The following DYSF variants were observed in gnomAD, a reference collection of about 807,000 sequenced individuals.
DYSF encodes dystrophy-associated fer-1-like 1.
DYSF carries 212 observed loss-of-function variants against 274.9 expected under a neutral mutation model. The ratio of observed to expected loss-of-function variants is 0.77; its 90% confidence interval spans 0.69 to 0.86. The LOEUF (loss-of-function observed/expected upper bound fraction) is 0.86, where lower values mean the gene tolerates loss of function less well. Among genes scored for constraint, DYSF ranks in the 40% least tolerant of loss-of-function variants. The pLI is 0.00. For missense variants in DYSF, 2,666 were observed against 2,783.2 expected (o/e 0.96, Z 0.95); for synonymous variants, 1,091 against 1,078.7 (o/e 1.01, Z -0.22).
In DYSF at chr2:71,574,289, T is replaced by TCCG. The variant is rs779680055; in HGVS notation, c.3331_3333dup (p.Arg1111dup). On this transcript the variant is annotated inframe_insertion, in exon 30 of 56. Coordinates refer to ENST00000410020, the MANE Select transcript of DYSF (RefSeq NM_001130987.2). ...CTCGAGTACCGCAAGACAGATGCCT[T>TCCG]CCGCCGCCGCCGCTGGCGCCGTCGC... is the stretch of plus-strand genomic sequence containing the variant. 9 of 1,613,782 alleles carry TCCG rather than the reference T, an allele frequency of 5.6e-6. No individual in the cohort carries two copies. The highest frequency in any genetic ancestry group is 4.0e-5 in the African/African-American group (3 of 74,934).
At position 71,528,312 on chromosome 2, in the gene DYSF, A is replaced by G; in HGVS notation, c.1291A>G (p.Met431Val). 1 of 1,614,034 alleles carries G rather than the reference A, an allele frequency of 6.2e-7. No homozygotes were observed. Among genetic ancestry groups the G allele is most frequent in the Non-Finnish European group, 8.5e-7 (1 of 1,179,984 alleles). Residue 431 changes from methionine to valine, a missense_variant, in exon 14 of 56, where the codon ATG becomes GTG. This residue lies in a region of DYSF where 794 missense variants were observed against 777.1 expected (regional missense o/e 1.02). Coordinates refer to ENST00000410020, the MANE Select transcript of DYSF (RefSeq NM_001130987.2). ...EDLPQMDDAV[M>V]DNVKQIFGFE... Reference sequence around the variant, plus strand: ...CCTCTTCCCAGTGGACGATGCCGTGATGGACAACGTGAAACAGATCTTTGG... The same window carrying G: ...CCTCTTCCCAGTGGACGATGCCGTGGTGGACAACGTGAAACAGATCTTTGG...
chr2:71,535,559 G>C (rs1335185295), intron 16 of DYSF, among the ~76,000 whole-genome samples: 2 of 152,044 alleles, frequency 1.3e-5, no homozygotes, highest in Non-Finnish European at 2.9e-5. Flanking sequence ...AGCTGGGAAG[G>C]CTTCCTGGAG....
chr2:71,498,975 A>C (rs950227145), intron 3 of DYSF, among the ~76,000 whole-genome samples: 1 of 152,260 alleles, frequency 6.6e-6, no homozygotes, highest in Non-Finnish European at 1.5e-5. Context: ...AAGATTTTTA[A>C]GGAGTTTTTA....
In DYSF at chr2:71,537,223, G is replaced by GTTTTTTTTTTTTT. The variant is rs71402990; in HGVS notation, c.1493+1923_1494-1911dup. On this transcript the variant is annotated intron_variant, in intron 16 of 55. Coordinates refer to ENST00000410020, the MANE Select transcript of DYSF (RefSeq NM_001130987.2). Reference sequence around the variant, plus strand: ...CAGGAAATTTTTACTTTCTAGTTTTGTTTTTTTTTTTTTTTTTTTTTTTGC... The same window carrying GTTTTTTTTTTTTT: ...CAGGAAATTTTTACTTTCTAGTTTTGTTTTTTTTTTTTTTTTTTTTTTTTTTTTTTTTTTTTGC... Among the ~76,000 whole-genome samples, 6 of 79,622 alleles carry GTTTTTTTTTTTTT rather than the reference G, an allele frequency of 7.5e-5. 1 individual carries two copies. Among genetic ancestry groups the GTTTTTTTTTTTTT allele is most frequent in the African/African-American group, 1.4e-4 (3 of 21,374 alleles). The allele number at this position is 79,622 out of a possible 152,430, so 52.2% of individuals were successfully genotyped here.
At chr2:71,458,344 G>A (rs2081154220) in intron 1 of DYSF, among the ~76,000 whole-genome samples, 2 of 152,074 alleles carry the variant, frequency 1.3e-5, no homozygotes, top group South Asian at 2.1e-4. Context: ...ATCCACAAAG[G>A]CTTTCAATGT....
At chr2:71,653,866 A>G (rs1279733315) in intron 42 of DYSF, among the ~76,000 whole-genome samples, 1 of 93,006 alleles carries the variant, frequency 1.1e-5, no homozygotes, top group Non-Finnish European at 2.9e-5. Flanking sequence ...TATGGCTAAA[A>G]ATTGTAAATA....
intron 41 of DYSF, among the ~76,000 whole-genome samples, chr2:71,636,159 C>T (rs545739899): frequency 3.3e-5 from 5 of 152,158 alleles, no homozygotes; most frequent in South Asian, 2.1e-4. Flanking sequence ...TGTGAGGGCT[C>T]GATCACAAGC....
chr2:71,551,802 T>A, intron 19 of DYSF, 82 bp downstream of exon 19: 1 of 1,152,080 alleles, frequency 8.7e-7, no homozygotes, highest in Non-Finnish European at 1.3e-6. Context: ...TGAGGTGTCA[T>A]GGCCGAGGGA....
At chr2:71,612,968 C>A (rs2093800220) in intron 39 of DYSF, among the ~76,000 whole-genome samples, 162 bp downstream of exon 39, 1 of 152,150 alleles carries the variant, frequency 6.6e-6, no homozygotes, top group South Asian at 2.1e-4. Context: ...TTCCTTAGGG[C>A]AGAGCCTAGC....
intron 41 of DYSF, among the ~76,000 whole-genome samples, chr2:71,630,629 C>G (rs1328671805): frequency 3.3e-5 from 5 of 152,224 alleles, no homozygotes; most frequent in Non-Finnish European, 5.9e-5. Context: ...CCATAGTCTC[C>G]TATAGGCTCA....
At chr2:71,656,116 T>C (rs746052880) in intron 42 of DYSF, 46 bp from the exon 43 acceptor site, 13 of 1,613,098 alleles carry the variant, frequency 8.1e-6, no homozygotes, top group Admixed American at 5.0e-5. Context: ...GTTGTTCTAC[T>C]TTCTTTCTGT....
intron 48 of DYSF, 54 bp from the exon 49 acceptor site, chr2:71,668,700 G>T (rs2095062262): frequency 3.8e-6 from 6 of 1,566,010 alleles, no homozygotes; most frequent in Non-Finnish European, 5.2e-6. Flanking sequence ...CAGGTGCTTG[G>T]TAACAGCTGG....
chr2:71,662,785 GTGTT>G (rs1022725283), intron 45 of DYSF, among the ~76,000 whole-genome samples: 16 of 151,264 alleles, frequency 1.1e-4, no homozygotes, highest in East Asian at 3.9e-4. Context: ...GTGTGTATGT[GTGTT>G]TGTGTCTGTG....
At chr2:71,522,039 T>A (rs2087338429) in intron 12 of DYSF, among the ~76,000 whole-genome samples, 1 of 150,754 alleles carries the variant, frequency 6.6e-6, no homozygotes. Context: ...TCCCACCACC[T>A]CCTTGGCCAT....
At chr2:71,630,918 A>C (rs983768008) in intron 41 of DYSF, among the ~76,000 whole-genome samples, 1 of 152,048 alleles carries the variant, frequency 6.6e-6, no homozygotes, top group African/African-American at 2.4e-5. Context: ...CATTCTTCCT[A>C]ATTATGGTTA....
Position 71,679,248 on chromosome 2 carries a change from C to T in DYSF, c.6063+13C>T. On this transcript the variant is annotated intron_variant, in intron 53 of 55. Transcript: ENST00000410020. ...GAAAATACTGGCGGTAAGTCTACTT[C>T]CTCCAGCCCCAGTGGAGGGCATGGG... 3.1e-6 allele frequency: 5 copies of T among 1,613,302 alleles called. No individual in the cohort carries two copies. Among genetic ancestry groups the T allele is most frequent in the Middle Eastern group, 1.7e-4 (1 of 6,058 alleles).
chr2:71,527,280 G>C (rs2088042809), intron 13 of DYSF, among the ~76,000 whole-genome samples: 1 of 152,200 alleles, frequency 6.6e-6, no homozygotes, highest in Non-Finnish European at 1.5e-5. Context: ...AGCAGAGTCA[G>C]TGAGAAGGTT....
At chr2:71,602,341 C>T (rs2152861094) in intron 35 of DYSF, among the ~76,000 whole-genome samples, 1 of 152,318 alleles carries the variant, frequency 6.6e-6, no homozygotes, top group South Asian at 2.1e-4. Context: ...AGCCCTGCCC[C>T]TCCAGCTCTC....
intron 42 of DYSF, among the ~76,000 whole-genome samples, chr2:71,651,947 A>T (rs1021531416): frequency 1.3e-5 from 2 of 152,216 alleles, no homozygotes; most frequent in African/African-American, 2.4e-5. Flanking sequence ...ATATCTATTG[A>T]TGATTTATAA....
Sources: allele counts gnomAD v4.1 joint callset (sites outside exome capture counted in the v4.1 genomes callset), GRCh38; gene constraint gnomAD v4.1.1; regional missense constraint gnomAD v4.1.1; transcripts MANE v1.5; gene names NCBI Gene and HGNC (gene_info 2026-07-23, HGNC 2026-07-21).